BBX: variants seen among roughly 807,000 people sequenced by gnomAD.
The protein encoded by BBX is BBX high mobility group box domain containing.
In BBX, 30 loss-of-function variants were observed where a neutral mutation model predicts 100.2. The ratio of observed to expected loss-of-function variants is 0.30; its 90% confidence interval spans 0.22 to 0.41. BBX has a LOEUF of 0.41. Ranked by LOEUF, BBX falls within the 10% of genes least tolerant of loss-of-function variation. The probability of loss-of-function intolerance (pLI) is 1.00; values close to 1 mark genes in which losing one functional copy is unlikely to be tolerated. For synonymous variants in BBX, 376 were observed against 388.1 expected, an observed-to-expected ratio of 0.97 and a Z score of 0.37; for missense variants, 1,023 against 1,129.8, an observed-to-expected ratio of 0.91 and a Z score of 1.35.
intron 2 of BBX, among the ~76,000 whole-genome samples, chr3:107,624,526 A>G (rs9855062): frequency 0.12 from 18,056 of 152,296 alleles, 1,300 homozygotes; most frequent in Middle Eastern, 0.19. Flanking sequence ...CTAAAAATGT[A>G]TAACATATTA....
intron 6 of BBX, among the ~76,000 whole-genome samples, chr3:107,729,801 G>C (rs953779676): frequency 6.6e-6 from 1 of 152,160 alleles, no homozygotes; most frequent in Non-Finnish European, 1.5e-5. Flanking sequence ...TGGGAAAAGA[G>C]GTTGAGTGAT....
intron 2 of BBX, among the ~76,000 whole-genome samples, chr3:107,563,706 G>C (rs2050677756): frequency 6.6e-6 from 1 of 152,126 alleles, no homozygotes; most frequent in Non-Finnish European, 1.5e-5. Context: ...ATTGTTTGCT[G>C]TTTTACATGT....
At chr3:107,637,662 T>C (rs1055124195) in intron 2 of BBX, among the ~76,000 whole-genome samples, 2 of 152,154 alleles carry the variant, frequency 1.3e-5, no homozygotes, top group Non-Finnish European at 2.9e-5. Context: ...GGGAGAAACA[T>C]CAACTCCTAC....
intron 3 of BBX, chr3:107,662,888 C>A (rs2058536494): frequency 6.6e-6 from 1 of 152,052 alleles, no homozygotes; most frequent in South Asian, 2.1e-4. Flanking sequence ...TAGGTACTTG[C>A]TACTCGCGGA....
intron 2 of BBX, among the ~76,000 whole-genome samples, chr3:107,594,961 C>T (rs2053580823): frequency 6.6e-6 from 1 of 152,218 alleles, no homozygotes; most frequent in African/African-American, 2.4e-5. Flanking sequence ...TGGATTCAAA[C>T]TCACATCTGT....
intron 3 of BBX, chr3:107,662,524 A>G (rs1435573974): frequency 6.6e-6 from 1 of 152,182 alleles, no homozygotes; most frequent in Non-Finnish European, 1.5e-5. Flanking sequence ...AATTGTGATT[A>G]TATGAAGTAA....
At chr3:107,709,681 C>T (rs1032179048) in intron 3 of BBX, among the ~76,000 whole-genome samples, 2 of 152,198 alleles carry the variant, frequency 1.3e-5, no homozygotes, top group Non-Finnish European at 2.9e-5. Context: ...ATGCAGTTAC[C>T]TCTGGACCAT....
chr3:107,581,406 T>C (rs1013024316), intron 2 of BBX, among the ~76,000 whole-genome samples: 2 of 151,986 alleles, frequency 1.3e-5, no homozygotes, highest in African/African-American at 2.4e-5. Context: ...TTCTTAAACT[T>C]GGAAATTCCC....
chr3:107,754,734 T>G (rs987451781), intron 9 of BBX, among the ~76,000 whole-genome samples: 1 of 152,156 alleles, frequency 6.6e-6, no homozygotes, highest in African/African-American at 2.4e-5. Flanking sequence ...GAGAAAGAAT[T>G]CAGAATCACA....
chr3:107,785,076 C>T (rs1316213893), intron 13 of BBX, among the ~76,000 whole-genome samples: 1 of 150,888 alleles, frequency 6.6e-6, no homozygotes, highest in Non-Finnish European at 1.5e-5. Context: ...TGAACAATTC[C>T]TAAAAAGACA....
At chr3:107,610,044 A>C (rs1045724595) in intron 2 of BBX, among the ~76,000 whole-genome samples, 1 of 151,938 alleles carries the variant, frequency 6.6e-6, no homozygotes, top group Non-Finnish European at 1.5e-5. Context: ...CTTGCATCCC[A>C]TAGGTTTTGG....
intron 5 of BBX, among the ~76,000 whole-genome samples, chr3:107,725,247 C>T (rs1022070039): frequency 1.3e-5 from 2 of 152,036 alleles, no homozygotes; most frequent in African/African-American, 4.8e-5. Flanking sequence ...GTAATTTTTG[C>T]ACATTGATTT....
intron 2 of BBX, among the ~76,000 whole-genome samples, chr3:107,570,071 G>A (rs1283278336): frequency 6.6e-6 from 1 of 152,184 alleles, no homozygotes; most frequent in Non-Finnish European, 1.5e-5. Context: ...GGCATTCCTT[G>A]GCCCAGTGGC....
At chr3:107,729,493 A>C (rs548083740) in intron 6 of BBX, among the ~76,000 whole-genome samples, 44 of 152,282 alleles carry the variant, frequency 2.9e-4, no homozygotes, top group African/African-American at 1.0e-3. Flanking sequence ...GGGACAGACA[A>C]ATTTAAAATT....
intron 16 of BBX, among the ~76,000 whole-genome samples, chr3:107,799,770 A>G (rs965607167): frequency 6.6e-6 from 1 of 152,120 alleles, no homozygotes; most frequent in Non-Finnish European, 1.5e-5. Context: ...TCCATTTTCA[A>G]TCATGGCCTG....
chr3:107,739,393 C>CT (rs1560073042), intron 7 of BBX, among the ~76,000 whole-genome samples: 1 of 152,200 alleles, frequency 6.6e-6, no homozygotes, highest in Non-Finnish European at 1.5e-5. Context: ...TGAGCTTCCT[C>CT]TTTTCTTGGG....
intron 13 of BBX, 48 bp from the exon 14 acceptor site, chr3:107,789,739 A>G (rs2068797438): frequency 7.8e-7 from 1 of 1,285,198 alleles, no homozygotes. Context: ...AATATTTTTT[A>G]TGAAACATTG....
At chr3:107,690,780 T>C (rs540769252) in intron 3 of BBX, among the ~76,000 whole-genome samples, 1 of 151,478 alleles carries the variant, frequency 6.6e-6, no homozygotes, top group East Asian at 1.9e-4. Flanking sequence ...GTGTATCTTG[T>C]GGGTAGTGAT....
intron 3 of BBX, chr3:107,659,880 G>C: frequency 1.9e-6 from 1 of 535,570 alleles, no homozygotes. Flanking sequence ...AAATTAAGAG[G>C]GACGTATAAT....
Sources: allele counts gnomAD v4.1 joint callset (sites outside exome capture counted in the v4.1 genomes callset), GRCh38; gene constraint gnomAD v4.1.1; transcripts MANE v1.5; gene names NCBI Gene and HGNC (gene_info 2026-07-23, HGNC 2026-07-21).